PKHD1: variants seen among roughly 807,000 people sequenced by gnomAD.
PKHD1 encodes PKHD1 ciliary IPT domain containing fibrocystin/polyductin.
In PKHD1, 291 loss-of-function variants were observed where a neutral mutation model predicts 412.0. That is an observed-to-expected ratio of 0.71 (90% CI 0.64 to 0.78). The LOEUF (loss-of-function observed/expected upper bound fraction) is 0.78. Ranked by LOEUF, PKHD1 falls within the 30% of genes least tolerant of loss-of-function variation. PKHD1 has a pLI of 0.00. For synonymous variants in PKHD1, 1,777 were observed against 1,821.5 expected (o/e 0.98, Z 0.62); for missense variants, 4,825 against 4,950.7 (o/e 0.97, Z 0.76).
chr6:51,692,444 C>T (rs1480082934), intron 60 of PKHD1, among the ~76,000 whole-genome samples: 1 of 152,184 alleles, frequency 6.6e-6, no homozygotes, highest in Non-Finnish European at 1.5e-5. Context: ...ACCTCCATGA[C>T]TTAGTCACTG....
chr6:51,912,348 C>G lies in PKHD1; in HGVS notation c.6332+18G>C, dbSNP rs1327239069. 6 of 1,523,706 alleles carry G rather than the reference C, an allele frequency of 3.9e-6. No homozygotes were observed. In the East Asian group the frequency reaches 1.1e-4, roughly 29 times the overall value. 94.4% of individuals were successfully genotyped at this position (1,523,706 alleles called of 1,614,324 possible). ...TCATCTTCTTCCATGTCAACTTAGC[C>G]AAGCTGACACTCAGTACCTCAAAGG... On this transcript the variant is annotated intron_variant, in intron 38 of 66. Coordinates refer to ENST00000371117, the MANE Select transcript of PKHD1 (RefSeq NM_138694.4).
At chr6:51,806,535 T>C (rs956523496) in intron 52 of PKHD1, among the ~76,000 whole-genome samples, 1 of 152,152 alleles carries the variant, frequency 6.6e-6, no homozygotes, top group African/African-American at 2.4e-5. Flanking sequence ...CCAGTGCAGA[T>C]TTCAAGTGGA....
intron 35 of PKHD1, among the ~76,000 whole-genome samples, chr6:51,961,423 A>C (rs1792007106): frequency 6.6e-6 from 1 of 152,104 alleles, no homozygotes; most frequent in Admixed American, 6.6e-5. Flanking sequence ...GAAGGAAATA[A>C]GGCATAGTGA....
intron 60 of PKHD1, among the ~76,000 whole-genome samples, chr6:51,702,064 T>C (rs904380366): frequency 1.4e-5 from 2 of 147,422 alleles, no homozygotes; most frequent in Non-Finnish European, 3.0e-5. Context: ...TGCACACACA[T>C]GTTTATAGCA....
In PKHD1 at chr6:51,740,695, A is replaced by G. The variant is rs187578727; in HGVS notation, c.10156+3690T>C. 1.5e-4 allele frequency among the ~76,000 whole-genome samples: 23 copies of G among 152,376 alleles called. No homozygotes were observed. The East Asian group carries it at 3.7e-3, about 24-fold the overall frequency. On this transcript the variant is annotated intron_variant, in intron 60 of 66. Transcript: ENST00000371117. The stretch of plus-strand genomic sequence containing the variant: ...GGACAGTAACTGCAAAGTAGCTAAG[A>G]GAAAATGGTTTAATAATGAAAAGAA...
chr6:52,007,910 C>T (rs1799296578), intron 35 of PKHD1, among the ~76,000 whole-genome samples: 1 of 152,164 alleles, frequency 6.6e-6, no homozygotes, highest in South Asian at 2.1e-4. Flanking sequence ...CTTTAGGGTC[C>T]CATTGGAGCT....
chr6:51,972,097 A>G (rs1184372623), intron 35 of PKHD1, among the ~76,000 whole-genome samples: 1 of 152,076 alleles, frequency 6.6e-6, no homozygotes, highest in Non-Finnish European at 1.5e-5. Context: ...TTTGACTATG[A>G]TTGGTATTAA....
intron 32 of PKHD1, among the ~76,000 whole-genome samples, chr6:52,024,175 G>T (rs1325701875): frequency 6.6e-6 from 1 of 152,160 alleles, no homozygotes; most frequent in Non-Finnish European, 1.5e-5. Flanking sequence ...ATTACAAAAT[G>T]ATAAAAATTT....
chr6:51,628,621 C>A (rs1425613791), intron 65 of PKHD1, among the ~76,000 whole-genome samples: 1 of 152,154 alleles, frequency 6.6e-6, no homozygotes, highest in Admixed American at 6.6e-5. Flanking sequence ...TTGAAAACTT[C>A]TGTTTTAAGT....
chr6:51,670,391 A>G (rs1160505029), intron 60 of PKHD1, among the ~76,000 whole-genome samples: 1 of 150,874 alleles, frequency 6.6e-6, no homozygotes, highest in Non-Finnish European at 1.5e-5. Flanking sequence ...TTTGTTTTCC[A>G]TTTGCTTGGT....
intron 54 of PKHD1, 30 bp from the exon 55 acceptor site, chr6:51,772,819 GA>G (rs1365807158): frequency 8.0e-7 from 1 of 1,246,594 alleles, no homozygotes; most frequent in South Asian, 1.2e-5. Context: ...CAGTTGGATA[GA>G]AAAATCCTTC....
rs557988739 is a variant in PKHD1, at chr6:51,943,268, A to C, written c.5909-8946T>G. On this transcript the variant is annotated intron_variant, in intron 36 of 66. Coordinates refer to ENST00000371117, the MANE Select transcript of PKHD1 (RefSeq NM_138694.4). Reference sequence around the variant, plus strand: ...TACTTTTACCACTTGCCCTTCTCAGAATTCAGGCCTGAACTCGGAATGCTA... The same window carrying C: ...TACTTTTACCACTTGCCCTTCTCAGCATTCAGGCCTGAACTCGGAATGCTA... Among the ~76,000 whole-genome samples the C allele has an allele frequency of 5.5e-4, 84 of 151,554 alleles. 1 individual carries two copies. The highest frequency in any genetic ancestry group is 2.0e-3 in the African/African-American group (81 of 41,480).
At chr6:51,633,583 C>G (rs889314024) in intron 64 of PKHD1, among the ~76,000 whole-genome samples, 1 of 152,080 alleles carries the variant, frequency 6.6e-6, no homozygotes, top group Non-Finnish European at 1.5e-5. Context: ...CAATTGATAA[C>G]CTGTAACAAC....
At chr6:51,776,733 A>C (rs73428013) in intron 53 of PKHD1, among the ~76,000 whole-genome samples, 5,866 of 152,140 alleles carry the variant, frequency 0.039, 361 homozygotes, top group African/African-American at 0.13. Context: ...GTGTTTATTT[A>C]ACAGATAAGA....
intron 35 of PKHD1, among the ~76,000 whole-genome samples, chr6:51,979,825 A>T (rs1794915707): frequency 1.3e-5 from 2 of 152,098 alleles, no homozygotes. Flanking sequence ...ACATACCCTG[A>T]CTTGTATGCA....
chr6:51,883,345 C>A, intron 45 of PKHD1, 118 bp from the exon 46 acceptor site: 4 of 929,398 alleles, frequency 4.3e-6, no homozygotes, highest in South Asian at 4.2e-5. Flanking sequence ...TATTAAAGCA[C>A]CTTTTGTCCA....
intron 60 of PKHD1, among the ~76,000 whole-genome samples, chr6:51,675,387 C>T (rs62461293): frequency 0.15 from 22,084 of 152,050 alleles, 1,603 homozygotes; most frequent in East Asian, 0.27. Flanking sequence ...TTCTTTTCTC[C>T]CACTTCTCCA....
intron 37 of PKHD1, among the ~76,000 whole-genome samples, chr6:51,914,092 G>T (rs200328747): frequency 6.6e-6 from 1 of 151,966 alleles, no homozygotes; most frequent in Non-Finnish European, 1.5e-5. Flanking sequence ...ACAAAATGCC[G>T]TCAGACTCTG....
intron 55 of PKHD1, among the ~76,000 whole-genome samples, chr6:51,766,286 C>T (rs1788988211): frequency 6.6e-6 from 1 of 152,116 alleles, no homozygotes; most frequent in African/African-American, 2.4e-5. Context: ...ATTTCACCAA[C>T]AGGGATCCTT....
Sources: gnomAD v4.1 joint callset for allele counts (sites outside exome capture counted in the v4.1 genomes callset) on GRCh38, gnomAD v4.1.1 for gene constraint, MANE v1.5 for transcripts, NCBI Gene and HGNC (gene_info 2026-07-23, HGNC 2026-07-21) for gene names.